Variants in XYLT1 observed in about 807,000 individuals in gnomAD.
The protein encoded by XYLT1 is beta-D-xylosyltransferase 1.
Under a neutral mutation model 91.3 loss-of-function variants are expected in XYLT1, and 36 were observed. The ratio of observed to expected loss-of-function variants is 0.39; its 90% CI spans 0.30 to 0.52. XYLT1 has a LOEUF of 0.52. XYLT1 is among the 20% of genes least tolerant of loss of function. The pLI is 0.68. For missense variants in XYLT1, 1,242 were observed against 1,284.5 expected (o/e 0.97, Z 0.51); for synonymous variants, 588 against 532.0 (o/e 1.11, Z -1.45).
At chr16:17,343,806 C>A (rs149071537) in intron 2 of XYLT1, among the ~76,000 whole-genome samples, 1 of 152,140 alleles carries the variant, frequency 6.6e-6, no homozygotes, top group Non-Finnish European at 1.5e-5. Context: ...ATCAAGAGAG[C>A]GTTCTTCCGT....
At chr16:17,243,780 G>A (rs1304918314) in intron 3 of XYLT1, among the ~76,000 whole-genome samples, 1 of 152,128 alleles carries the variant, frequency 6.6e-6, no homozygotes, top group Non-Finnish European at 1.5e-5. Flanking sequence ...GACGCAAAGG[G>A]TCATCAAGGG....
chr16:17,223,937 T>C (rs2033017853), intron 3 of XYLT1, among the ~76,000 whole-genome samples: 3 of 152,214 alleles, frequency 2.0e-5, no homozygotes, highest in African/African-American at 7.2e-5. Context: ...CAAACAAACA[T>C]TGCTACGTTT....
rs1412708034 is a variant in XYLT1, at chr16:17,108,996, T to C, written c.2579A>G (p.Asn860Ser). The C allele has an allele frequency of 3.3e-6, 5 of 1,531,562 alleles. No homozygotes were observed. The highest frequency in any genetic ancestry group is 2.6e-5 in the South Asian group (2 of 76,422). The allele number at this position is 1,531,562 out of a possible 1,614,324, so 94.9% of individuals were successfully genotyped here. Residue 860 changes from asparagine (N) to serine (S), a missense_variant, in exon 12 of 12, where the codon AAT (asparagine) becomes AGT (serine). Physicochemically the swap from Asn to Ser is conservative, Grantham distance 46. Transcript: ENST00000261381. ...IKPEEALKLH[N>S]GPLRNAYMEQ... ...CATGTAGGCATTGCGGAGGGGCCCA[T>C]TGTGCAGCTTCAGTGCCTCCTCTGA...
chr16:17,119,660 A>G (rs2029978445), intron 10 of XYLT1, among the ~76,000 whole-genome samples: 1 of 152,156 alleles, frequency 6.6e-6, no homozygotes, highest in Admixed American at 6.5e-5. Flanking sequence ...CATTCAGTTG[A>G]TACTCCCAAA....
intron 2 of XYLT1, among the ~76,000 whole-genome samples, chr16:17,326,509 G>A (rs2141834302): frequency 6.6e-6 from 1 of 152,230 alleles, no homozygotes; most frequent in African/African-American, 2.4e-5. Context: ...CCTAAGTCAT[G>A]AGACCCAAGG....
chr16:17,271,841 T>C (rs915083323), intron 2 of XYLT1, among the ~76,000 whole-genome samples: 8 of 152,134 alleles, frequency 5.3e-5, no homozygotes, highest in African/African-American at 1.9e-4. Context: ...AGAAACAGCC[T>C]TTCTTTCCCT....
chr16:17,138,356 T>G lies in XYLT1; in HGVS notation c.1763A>C (p.Gln588Pro). ...TGGCAGACCATGAGAAAGTCTCACCTGGAAGCGGTGGAAGTCCTGCGGCTT... is the reference window on the plus strand; with the variant it reads ...TGGCAGACCATGAGAAAGTCTCACCGGGAAGCGGTGGAAGTCCTGCGGCTT... ...DFKPQDFHRF[Q>P]QTARPTFFAR... The change falls in exon 8 of 12, where the codon CAG (glutamine) becomes CCG (proline). Residue 588 changes from glutamine to proline, a missense_variant and splice_region_variant. Physicochemically the swap from Gln to Pro is moderately conservative, Grantham distance 76 (BLOSUM62 -1). Coordinates refer to ENST00000261381, the MANE Select transcript of XYLT1 (RefSeq NM_022166.4). The G allele has an allele frequency of 6.2e-7, 1 of 1,610,854 alleles. No individual in the cohort carries two copies. Among genetic ancestry groups the G allele is most frequent in the South Asian group, 1.1e-5 (1 of 91,030 alleles).
At chr16:17,155,365 A>G (rs2031380713) in intron 6 of XYLT1, among the ~76,000 whole-genome samples, 1 of 152,234 alleles carries the variant, frequency 6.6e-6, no homozygotes, top group African/African-American at 2.4e-5. Flanking sequence ...GCCTGATGAT[A>G]TAATTTGCAC....
intron 2 of XYLT1, among the ~76,000 whole-genome samples, chr16:17,290,448 CT>C (rs1193342972): frequency 1.3e-5 from 2 of 152,236 alleles, no homozygotes; most frequent in African/African-American, 4.8e-5. Context: ...TGCCATGACT[CT>C]TGGAGCCAAG....
At chr16:17,397,813 T>C (rs1306962869) in intron 1 of XYLT1, among the ~76,000 whole-genome samples, 4 of 149,580 alleles carry the variant, frequency 2.7e-5, no homozygotes, top group East Asian at 2.0e-4. Flanking sequence ...GGGCACTCCA[T>C]AGTTTGAATA....
At chr16:17,405,137 T>C (rs1459935806) in intron 1 of XYLT1, among the ~76,000 whole-genome samples, 2 of 152,314 alleles carry the variant, frequency 1.3e-5, no homozygotes, top group South Asian at 2.1e-4. Flanking sequence ...GAGGGGGCAT[T>C]TGATACCACA....
chr16:17,453,469 T>C (rs1257339483), intron 1 of XYLT1, among the ~76,000 whole-genome samples: 2 of 152,216 alleles, frequency 1.3e-5, no homozygotes, highest in Non-Finnish European at 2.9e-5. Context: ...CTGTCAGTGC[T>C]AGTGTCCAAA....
At chr16:17,404,024 A>C (rs1192074322) in intron 1 of XYLT1, among the ~76,000 whole-genome samples, 1 of 151,468 alleles carries the variant, frequency 6.6e-6, no homozygotes, top group Non-Finnish European at 1.5e-5. Flanking sequence ...AATTATTTAA[A>C]CCCCTCCTGG....
At chr16:17,133,830 G>A (rs1042977793) in intron 9 of XYLT1, among the ~76,000 whole-genome samples, 1 of 152,176 alleles carries the variant, frequency 6.6e-6, no homozygotes, top group Non-Finnish European at 1.5e-5. Context: ...TGAGACAATT[G>A]TAAGGGGTGG....
Position 17,417,625 on chromosome 16 carries a change from G to A in XYLT1, c.363+52809C>T, listed in dbSNP as rs533917196. 3.9e-5 allele frequency among the ~76,000 whole-genome samples: 6 copies of A among 152,250 alleles called. No individual in the cohort carries two copies. The South Asian group carries it at 1.0e-3, about 26-fold the overall frequency. On this transcript the variant is annotated intron_variant, in intron 1 of 11. Transcript: ENST00000261381. ...TACAATTTAACAAAGAAGCCGGCGT[G>A]TGCTAGTTCACCACCGTAGGCATAT... is the stretch of plus-strand genomic sequence containing the variant.
At chr16:17,169,421 G>A (rs1018487525) in intron 5 of XYLT1, among the ~76,000 whole-genome samples, 2 of 152,180 alleles carry the variant, frequency 1.3e-5, no homozygotes, top group Non-Finnish European at 2.9e-5. Flanking sequence ...ATTTCACAAA[G>A]CCTCAGTGCT....
At chr16:17,334,911 T>C (rs911238438) in intron 2 of XYLT1, among the ~76,000 whole-genome samples, 4 of 147,608 alleles carry the variant, frequency 2.7e-5, no homozygotes, top group South Asian at 2.2e-4. Context: ...AAAGATCAAC[T>C]ATTTATGGGT....
chr16:17,180,387 AT>A (rs2032041064), intron 5 of XYLT1, among the ~76,000 whole-genome samples: 1 of 152,176 alleles, frequency 6.6e-6, no homozygotes, highest in African/African-American at 2.4e-5. Flanking sequence ...TGACTCTGTA[AT>A]CAAAAATTGC....
At chr16:17,226,358 A>C (rs1035593878) in intron 3 of XYLT1, among the ~76,000 whole-genome samples, 7 of 152,226 alleles carry the variant, frequency 4.6e-5, no homozygotes, top group African/African-American at 1.7e-4. Context: ...GTACTATAGC[A>C]CTACTAGCAC....
Sources: allele counts gnomAD v4.1 joint callset (sites outside exome capture counted in the v4.1 genomes callset), GRCh38; gene constraint gnomAD v4.1.1; transcripts MANE v1.5; gene names NCBI Gene and HGNC (gene_info 2026-07-23, HGNC 2026-07-21).